The following WSCD1 variants were observed in gnomAD, a reference collection of about 807,000 sequenced individuals.
The protein encoded by WSCD1 is sialate:O-sulfotransferase 1.
Under a neutral mutation model 60.4 loss-of-function variants are expected in WSCD1, and 41 were observed. That is an observed-to-expected ratio of 0.68 (90% CI 0.53 to 0.88). The LOEUF (loss-of-function observed/expected upper bound fraction) is 0.88. Ranked by LOEUF, WSCD1 falls within the 40% of genes least tolerant of loss-of-function variation. The pLI, the probability that WSCD1 is intolerant of heterozygous loss-of-function variation, is 0.00. For synonymous variants in WSCD1, 361 were observed against 332.5 expected, an observed-to-expected ratio of 1.09 and a Z score of -0.93; for missense variants, 784 against 796.2, an observed-to-expected ratio of 0.98 and a Z score of 0.18.
chr17:6,074,560 C>T (rs1908732887), intron 1 of WSCD1, among the ~76,000 whole-genome samples: 1 of 152,238 alleles, frequency 6.6e-6, no homozygotes. Context: ...ACACACTACC[C>T]AGGCACAGTT....
rs1333264987 is a variant in WSCD1 at position 6,118,162 on chromosome 17, C to T, written c.1349C>T (p.Ala450Val). 1 of 1,614,006 alleles carries T rather than the reference C, an allele frequency of 6.2e-7. No homozygotes were observed. The highest frequency in any genetic ancestry group is 1.3e-5 in the African/African-American group (1 of 74,924). Reference sequence around the variant, plus strand: ...AAATGTGCCGGGCACCTGGGATATGCAGCTGACCGCAACTGGAAGAGCAAA... The same window carrying T: ...AAATGTGCCGGGCACCTGGGATATGTAGCTGACCGCAACTGGAAGAGCAAA... ...NRKCAGHLGY[A>V]ADRNWKSKEW... The change falls in exon 8 of 9, where the codon GCA (alanine) becomes GTA (valine). Residue 450 changes from alanine to valine, a missense_variant. Physicochemically the swap from Ala to Val is moderately conservative, Grantham distance 64. Coordinates refer to ENST00000317744, the MANE Select transcript of WSCD1 (RefSeq NM_015253.2). The surrounding 1 kb of genome is among the most constrained non-coding windows in gnomAD (Gnocchi z 5.8).
chr17:6,089,019 T>C (rs1271345502), intron 3 of WSCD1, among the ~76,000 whole-genome samples: 2 of 151,858 alleles, frequency 1.3e-5, no homozygotes, highest in Non-Finnish European at 2.9e-5. Flanking sequence ...CCTGACCTCA[T>C]GATCTGCCCG....
intron 7 of WSCD1, among the ~76,000 whole-genome samples, chr17:6,112,970 A>G (rs1291255442): frequency 6.6e-6 from 1 of 152,204 alleles, no homozygotes; most frequent in African/African-American, 2.4e-5. Flanking sequence ...TGGAACCACA[A>G]AAGACCCTGA....
chr17:6,120,393 T>G lies in WSCD1; in HGVS notation c.1460T>G (p.Val487Gly), dbSNP rs760805591. ...CTCAAGTACGGGAAGCGGCTGCTGG[T>G]GGTGCACTACGAGGAGCTGCGGCGC... ...DWLKYGKRLL[V>G]VHYEELRRSL... Residue 487 changes from valine (V) to glycine (G), a missense_variant, in exon 9 of 9, where the codon GTG becomes GGG. Val to Gly is a moderately radical substitution (Grantham distance 109). Coordinates refer to ENST00000317744, the MANE Select transcript of WSCD1 (RefSeq NM_015253.2). 6.2e-7 allele frequency: 1 copy of G among 1,613,844 alleles called. No individual in the cohort carries two copies. Among genetic ancestry groups the G allele is most frequent in the East Asian group, 2.2e-5 (1 of 44,890 alleles).
At chr17:6,093,492 T>G (rs970698652) in intron 4 of WSCD1, among the ~76,000 whole-genome samples, 1 of 152,164 alleles carries the variant, frequency 6.6e-6, no homozygotes, top group Non-Finnish European at 1.5e-5. Flanking sequence ...CTCCCCCATC[T>G]CTGGATTGTG....
At chr17:6,076,967 G>C (rs550930917) in intron 1 of WSCD1, among the ~76,000 whole-genome samples, 1 of 152,206 alleles carries the variant, frequency 6.6e-6, no homozygotes, top group Non-Finnish European at 1.5e-5. Context: ...GATAAACGAG[G>C]TGTGGTCTGT....
intron 5 of WSCD1, among the ~76,000 whole-genome samples, chr17:6,098,777 T>G (rs1910611381): frequency 6.6e-6 from 1 of 152,202 alleles, no homozygotes; most frequent in Non-Finnish European, 1.5e-5. Flanking sequence ...GCAGCGCATA[T>G]TTAGTGGGAC....
chr17:6,087,499 G>A (rs887314371), intron 2 of WSCD1, among the ~76,000 whole-genome samples: 13 of 152,308 alleles, frequency 8.5e-5, no homozygotes, highest in East Asian at 1.9e-4. Flanking sequence ...AGCTTTCCCC[G>A]TTTGAAAGAT....
chr17:6,085,727 T>C (rs1385572009), intron 2 of WSCD1, among the ~76,000 whole-genome samples: 1 of 152,266 alleles, frequency 6.6e-6, no homozygotes, highest in Admixed American at 6.5e-5. Flanking sequence ...GCTTATGCTT[T>C]GGCTGTTTAA....
chr17:6,078,488 G>T (rs1251733723), intron 1 of WSCD1, among the ~76,000 whole-genome samples: 3 of 152,132 alleles, frequency 2.0e-5, no homozygotes, highest in African/African-American at 7.2e-5. Context: ...ATAAATAAAG[G>T]GTAGCTTGTG....
In WSCD1 at chr17:6,113,961, T is replaced by C. The variant is rs947993447; in HGVS notation, c.1174+3026T>C. On this transcript the variant is annotated intron_variant, in intron 7 of 8. Transcript: ENST00000317744. ...TCCTCAAAAAAAAGTAGAATTGTCA[T>C]ATATATGATCCAGCAATCCCACTGC... Among the ~76,000 whole-genome samples, 3 of 152,072 alleles carry C rather than the reference T, an allele frequency of 2.0e-5. 1 individual carries two copies. The highest frequency in any genetic ancestry group is 1.3e-4 in the Admixed American group (2 of 15,262).
intron 7 of WSCD1, among the ~76,000 whole-genome samples, chr17:6,117,114 A>G (rs1904336896): frequency 6.6e-6 from 1 of 152,246 alleles, no homozygotes; most frequent in African/African-American, 2.4e-5. Context: ...TAGTGAGCAC[A>G]TAATAACCTT....
chr17:6,098,150 G>A (rs1303447310), intron 5 of WSCD1, among the ~76,000 whole-genome samples: 2 of 120,464 alleles, frequency 1.7e-5, no homozygotes, highest in Non-Finnish European at 3.5e-5. Flanking sequence ...AGACAGGGGG[G>A]CGGGGTGGGG....
Position 6,113,700 on chromosome 17 carries a change from A to C in WSCD1, c.1174+2765A>C, listed in dbSNP as rs145691220. On this transcript the variant is annotated intron_variant, in intron 7 of 8. Transcript: ENST00000317744. ...CAGATGATATGAATAGACATTTATC[A>C]AAAGAAGACATACAAATGGTCAACA... Among the ~76,000 whole-genome samples the C allele has an allele frequency of 1.9e-3, 296 of 152,350 alleles. 5 individuals are homozygous for C. The East Asian group carries it at 0.043, about 22-fold the overall frequency.
rs1911325283 is a variant in WSCD1 at position 6,110,102 on chromosome 17, G to T, written c.1009+336G>T. On this transcript the variant is annotated intron_variant, in intron 6 of 8. Transcript: ENST00000317744. The surrounding 1 kb of genome is among the most constrained non-coding windows in gnomAD (Gnocchi z 4.8). ...TAGGATTGGGAGGCGTGGGAAGAAT[G>T]AGATCCCAGGAGCTGCAGGGGCCAC... 1.3e-5 allele frequency among the ~76,000 whole-genome samples: 2 copies of T among 152,200 alleles called. No homozygotes were observed. The highest frequency in any genetic ancestry group is 4.2e-4 in the South Asian group (2 of 4,818).
At chr17:6,093,538 C>T (rs1288284364) in intron 4 of WSCD1, among the ~76,000 whole-genome samples, 2 of 152,206 alleles carry the variant, frequency 1.3e-5, no homozygotes, top group Non-Finnish European at 2.9e-5. Context: ...TCTGTTCTAT[C>T]CCCGTGGAGC....
At chr17:6,098,268 G>A (rs1161754563) in intron 5 of WSCD1, among the ~76,000 whole-genome samples, 6 of 152,064 alleles carry the variant, frequency 3.9e-5, no homozygotes, top group Admixed American at 1.3e-4. Context: ...CACTGTGCCC[G>A]GCTGGTCCAG....
At chr17:6,109,308 C>T (rs144931115) in intron 5 of WSCD1, among the ~76,000 whole-genome samples, 2 of 152,334 alleles carry the variant, frequency 1.3e-5, no homozygotes, top group East Asian at 3.9e-4. Context: ...TTCTGCACGT[C>T]GCTCATCCCT....
chr17:6,101,116 G>A lies in WSCD1; in HGVS notation c.849+5893G>A, dbSNP rs1427203888. Among the ~76,000 whole-genome samples, 2 of 152,112 alleles carry A rather than the reference G, an allele frequency of 1.3e-5. No homozygotes were observed. The highest frequency in any genetic ancestry group is 4.8e-5 in the African/African-American group (2 of 41,432). On this transcript the variant is annotated intron_variant, in intron 5 of 8. Transcript: ENST00000317744. The surrounding 1 kb of genome is among the most constrained non-coding windows in gnomAD (Gnocchi z 4.1). ...TGGCCGTATTTGCCTGCTCTGAAGT[G>A]CCAAGCACGTCCTCTCTGGAAAGGC... is the stretch of plus-strand genomic sequence containing the variant.
Sources: allele counts gnomAD v4.1 joint callset (sites outside exome capture counted in the v4.1 genomes callset), GRCh38; gene constraint gnomAD v4.1.1; non-coding constraint Gnocchi (gnomAD v3.1); transcripts MANE v1.5; gene names NCBI Gene and HGNC (gene_info 2026-07-23, HGNC 2026-07-21).